Variants in WWOX observed in about 807,000 individuals in gnomAD.
WWOX encodes WW domain containing oxidoreductase, also known as WW domain-containing oxidoreductase.
Under a neutral mutation model 46.2 loss-of-function variants are expected in WWOX, and 69 were observed. The ratio of observed to expected loss-of-function variants is 1.49; its 90% CI spans 1.23 to 1.82. The LOEUF is 1.82. Among genes scored for constraint, WWOX ranks in the 40% most tolerant of loss-of-function variants. WWOX has a pLI of 0.00. For missense variants in WWOX, 919 were observed against 542.6 expected (o/e 1.69, Z -6.89); for synonymous variants, 359 against 202.6 (o/e 1.77, Z -6.56).
intron 5 of WWOX, 90 bp from the exon 6 acceptor site, chr16:78,386,770 G>T: frequency 8.6e-7 from 1 of 1,167,182 alleles, no homozygotes; most frequent in South Asian, 1.2e-5. Context: ...GGGGAATTCC[G>T]ACATGTTCCA....
intron 8 of WWOX, among the ~76,000 whole-genome samples, chr16:78,811,669 C>T (rs1336232619): frequency 1.3e-5 from 2 of 152,080 alleles, no homozygotes; most frequent in Non-Finnish European, 2.9e-5. Flanking sequence ...TCATGCCCAG[C>T]CCCCTTGTCC....
At chr16:79,043,551 C>T (rs1319525244) in intron 8 of WWOX, among the ~76,000 whole-genome samples, 4 of 152,192 alleles carry the variant, frequency 2.6e-5, no homozygotes, top group Non-Finnish European at 5.9e-5. Flanking sequence ...CGACAGCTTG[C>T]ATGTGTAGTT....
At chr16:78,500,164 A>G (rs1244192549) in intron 8 of WWOX, among the ~76,000 whole-genome samples, 1 of 152,222 alleles carries the variant, frequency 6.6e-6, no homozygotes, top group Admixed American at 6.5e-5. Flanking sequence ...TTTTTGGTGT[A>G]GAATTTTGCC....
chr16:78,520,438 C>A (rs950523436), intron 8 of WWOX, among the ~76,000 whole-genome samples: 1 of 152,124 alleles, frequency 6.6e-6, no homozygotes, highest in Non-Finnish European at 1.5e-5. Flanking sequence ...GGTGGAAAGC[C>A]CATCAGTTTT....
chr16:79,058,114 A>AATAC (rs1555520232), intron 8 of WWOX, among the ~76,000 whole-genome samples: 1 of 129,742 alleles, frequency 7.7e-6, no homozygotes, highest in Non-Finnish European at 1.5e-5. Flanking sequence ...CTTAAAAAAA[A>AATAC]AAAAAACAAA....
intron 1 of WWOX, among the ~76,000 whole-genome samples, chr16:78,103,291 A>G (rs2031924891): frequency 6.9e-6 from 1 of 145,048 alleles, no homozygotes; most frequent in Admixed American, 6.9e-5. Context: ...AAATTCCGGG[A>G]TACATGTGCA....
intron 6 of WWOX, among the ~76,000 whole-genome samples, chr16:78,411,735 C>G (rs192611935): frequency 2.0e-5 from 3 of 152,214 alleles, no homozygotes; most frequent in Non-Finnish European, 2.9e-5. Context: ...GTGACAAGAC[C>G]AGGTGTGGGC....
chr16:78,355,663 T>C lies in WWOX; in HGVS notation c.517-31197T>C, dbSNP rs142639496. 1,087 of 710,040 alleles carry C rather than the reference T, an allele frequency of 1.5e-3. 8 individuals are homozygous for C. In the African/African-American group the frequency reaches 0.016, roughly 11 times the overall value. The allele number at this position is 710,040 out of a possible 1,614,324, so 44.0% of individuals were successfully genotyped here. On this transcript the variant is annotated intron_variant, in intron 5 of 8. Coordinates refer to ENST00000566780, the MANE Select transcript of WWOX (RefSeq NM_016373.4). ...AGCTTCGAGGCAGATTACATACTTA[T>C]GATCAACATTTAAATATGATCTTGG...
At chr16:78,390,806 TGAAA>T (rs1371946756) in intron 6 of WWOX, among the ~76,000 whole-genome samples, 1 of 152,178 alleles carries the variant, frequency 6.6e-6, no homozygotes, top group African/African-American at 2.4e-5. Context: ...TAATGACAAA[TGAAA>T]GAAAGGCTGC....
chr16:78,149,392 C>G (rs2034320515), intron 4 of WWOX, among the ~76,000 whole-genome samples: 1 of 152,158 alleles, frequency 6.6e-6, no homozygotes, highest in Non-Finnish European at 1.5e-5. Context: ...TCTCACAGCC[C>G]TTACAGATAA....
intron 5 of WWOX, among the ~76,000 whole-genome samples, chr16:78,339,593 G>C (rs2080968656): frequency 8.3e-6 from 1 of 119,796 alleles, no homozygotes; most frequent in South Asian, 2.5e-4. Flanking sequence ...TCTTGTAGTA[G>C]CTTTCTGAAA....
intron 8 of WWOX, among the ~76,000 whole-genome samples, chr16:79,086,328 G>C (rs78423168): frequency 6.6e-6 from 1 of 152,056 alleles, no homozygotes; most frequent in Non-Finnish European, 1.5e-5. Context: ...ATTTTAATTT[G>C]ATTGATATGC....
At chr16:78,153,709 A>C (rs2034498213) in intron 4 of WWOX, among the ~76,000 whole-genome samples, 1 of 152,176 alleles carries the variant, frequency 6.6e-6, no homozygotes, top group South Asian at 2.1e-4. Flanking sequence ...AATTAATAAT[A>C]ACCACCCATT....
rs1555561422 is a variant in WWOX, at chr16:78,894,020, T to TTATTATTATTA, written c.1057-317587_1057-317586insATTATTATTAT. On this transcript the variant is annotated intron_variant, in intron 8 of 8. Transcript: ENST00000566780. Reference sequence around the variant, plus strand: ...TAGAGTAATGTCTTTTATTGAGGCTTTTATTATTATTATTATTATTATTAT... The same window carrying TTATTATTATTA: ...TAGAGTAATGTCTTTTATTGAGGCTTTATTATTATTATTATTATTATTATTATTATTATTAT... 1.3e-3 allele frequency among the ~76,000 whole-genome samples: 179 copies of TTATTATTATTA among 140,076 alleles called. 2 individuals are homozygous for TTATTATTATTA. The highest frequency in any genetic ancestry group is 4.2e-3 in the African/African-American group (161 of 38,420). 91.9% of individuals were successfully genotyped at this position (140,076 alleles called of 152,430 possible). A position where few individuals can be genotyped will look rare whatever the true frequency, so the allele number is the denominator to read the frequency against.
At chr16:78,278,794 T>C in intron 5 of WWOX, 1 of 795,770 alleles carries the variant, frequency 1.3e-6, no homozygotes, top group East Asian at 2.8e-5. Flanking sequence ...CAACATCTAT[T>C]ATATGATTTA....
intron 8 of WWOX, among the ~76,000 whole-genome samples, chr16:78,581,223 A>C (rs144595623): frequency 2.0e-5 from 3 of 152,224 alleles, no homozygotes; most frequent in Admixed American, 6.5e-5. Flanking sequence ...CCTTTGAACT[A>C]ATTGCTAAAA....
chr16:78,653,965 A>G (rs2047023918), intron 8 of WWOX, among the ~76,000 whole-genome samples: 1 of 152,230 alleles, frequency 6.6e-6, no homozygotes, highest in African/African-American at 2.4e-5. Flanking sequence ...ATTCTTACAA[A>G]AGGCAAAGCA....
chr16:78,397,148 GAA>G (rs1246302052), intron 6 of WWOX, among the ~76,000 whole-genome samples: 1 of 152,208 alleles, frequency 6.6e-6, no homozygotes, highest in Non-Finnish European at 1.5e-5. Context: ...GAGAGAAGAG[GAA>G]AGAGTTTAAG....
intron 5 of WWOX, among the ~76,000 whole-genome samples, chr16:78,283,192 C>A (rs933499990): frequency 1.3e-5 from 2 of 151,582 alleles, no homozygotes; most frequent in African/African-American, 4.9e-5. Flanking sequence ...GGCAACATGA[C>A]AACGTGCCTA....
Sources: gnomAD v4.1 joint callset for allele counts (sites outside exome capture counted in the v4.1 genomes callset) on GRCh38, gnomAD v4.1.1 for gene constraint, MANE v1.5 for transcripts, NCBI Gene and HGNC (gene_info 2026-07-23, HGNC 2026-07-21) for gene names.